The following SNX25 variants were observed in gnomAD, a reference collection of about 807,000 sequenced individuals.
SNX25 encodes sorting nexin-25.
SNX25 carries 62 observed loss-of-function variants against 113.7 expected under a neutral mutation model. The observed-to-expected ratio is 0.55, with a 90% confidence interval of 0.44 to 0.67. The LOEUF (loss-of-function observed/expected upper bound fraction) is 0.67. SNX25 is among the 30% of genes least tolerant of loss of function. The pLI is 0.00. For synonymous variants in SNX25, 421 were observed against 436.2 expected (o/e 0.97, Z 0.43); for missense variants, 1,014 against 1,161.0 (o/e 0.87, Z 1.84).
At chr4:185,319,102 T>A (rs1173831714) in intron 7 of SNX25, among the ~76,000 whole-genome samples, 31 of 144,842 alleles carry the variant, frequency 2.1e-4, no homozygotes, top group African/African-American at 7.2e-4. Context: ...TTTTTTTTAT[T>A]TTTTTTTTTT....
chr4:185,221,959 C>T (rs1739937441), intron 1 of SNX25, among the ~76,000 whole-genome samples: 1 of 151,910 alleles, frequency 6.6e-6, no homozygotes, highest in Admixed American at 6.6e-5. Context: ...TATACCCCTC[C>T]TTCACGGTAG....
At chr4:185,366,768 AAG>A (rs2095389365), downstream of SNX25, 1 of 152,760 alleles carries the variant, frequency 6.5e-6, no homozygotes, top group East Asian at 1.9e-4. Flanking sequence ...TCACAAAACT[AAG>A]AGACAAATTT....
chr4:185,318,244 T>G (rs1417582654), intron 7 of SNX25, among the ~76,000 whole-genome samples: 3 of 152,214 alleles, frequency 2.0e-5, no homozygotes, highest in Non-Finnish European at 4.4e-5. Context: ...TTAATTGCAT[T>G]TGAATTCTAC....
chr4:185,242,938 G>A (rs973434580), intron 1 of SNX25, among the ~76,000 whole-genome samples: 4 of 152,108 alleles, frequency 2.6e-5, no homozygotes, highest in Non-Finnish European at 4.4e-5. Flanking sequence ...TGGCCCATGA[G>A]GTGTTTTTTT....
At chr4:185,249,525 C>T (rs1295672881) in intron 2 of SNX25, among the ~76,000 whole-genome samples, 1 of 152,124 alleles carries the variant, frequency 6.6e-6, no homozygotes, top group Non-Finnish European at 1.5e-5. Context: ...GATGTAGATA[C>T]AGAAGATTTT....
Position 185,362,726 on chromosome 4 carries a change from G to A in SNX25, c.2934+15G>A. On this transcript the variant is annotated intron_variant, in intron 18 of 18. Transcript: ENST00000652585. ...ATCTGTTATATGTGAGTAAATTAAA[G>A]CCCAGGGGGTTTCCTGCTTTATTTT... is the stretch of plus-strand genomic sequence containing the variant. 6.3e-7 allele frequency: 1 copy of A among 1,595,100 alleles called. No individual in the cohort carries two copies. The highest frequency in any genetic ancestry group is 8.6e-7 in the Non-Finnish European group (1 of 1,166,468).
At chr4:185,301,336 C>T (rs527385777) in intron 6 of SNX25, among the ~76,000 whole-genome samples, 7 of 152,304 alleles carry the variant, frequency 4.6e-5, no homozygotes, top group African/African-American at 1.2e-4. Context: ...CCCCTTCCCC[C>T]GTACCTTGCC....
intron 4 of SNX25, 55 bp downstream of exon 4, chr4:185,264,665 A>G: frequency 6.5e-7 from 1 of 1,546,160 alleles, no homozygotes; most frequent in Non-Finnish European, 8.9e-7. Flanking sequence ...CTAATGTGCT[A>G]CATGCAGACC....
chr4:185,337,694 A>G (rs2095238845), intron 10 of SNX25, among the ~76,000 whole-genome samples: 2 of 152,146 alleles, frequency 1.3e-5, no homozygotes, highest in African/African-American at 4.8e-5. Context: ...CAACATCTAT[A>G]CCATTTTACA....
exon 12 of SNX25, chr4:185,370,138 G>C (rs2095410150): frequency 6.2e-6 from 1 of 160,492 alleles, no homozygotes; most frequent in African/African-American, 2.4e-5. Flanking sequence ...ACTTTGAGAT[G>C]TGAAACGCAT....
intron 10 of SNX25, among the ~76,000 whole-genome samples, chr4:185,336,751 T>C (rs1276529640): frequency 6.6e-6 from 1 of 152,198 alleles, no homozygotes; most frequent in Non-Finnish European, 1.5e-5. Context: ...TTTTCCATAG[T>C]GGTTGTACTA....
chr4:185,241,315 A>G (rs1232848149), intron 1 of SNX25, among the ~76,000 whole-genome samples: 3 of 152,120 alleles, frequency 2.0e-5, no homozygotes, highest in East Asian at 1.9e-4. Context: ...GTCTCCACCA[A>G]AAAAATATGA....
chr4:185,359,341 CAA>C (rs889181456), intron 16 of SNX25, among the ~76,000 whole-genome samples: 2 of 141,054 alleles, frequency 1.4e-5, no homozygotes, highest in Non-Finnish European at 3.1e-5. Context: ...GACCCTTTCT[CAA>C]AAAAAAAAAA....
chr4:185,324,424 T>C (rs1404452170), intron 9 of SNX25, among the ~76,000 whole-genome samples: 1 of 152,150 alleles, frequency 6.6e-6, no homozygotes, highest in African/African-American at 2.4e-5. Context: ...AGGAGCACTC[T>C]CTCTTACAGA....
At chr4:185,213,000 T>A (rs1215710552) in intron 1 of SNX25, among the ~76,000 whole-genome samples, 2 of 152,192 alleles carry the variant, frequency 1.3e-5, no homozygotes, top group African/African-American at 4.8e-5. Context: ...AGGAAAAAAA[T>A]GCATACACTG....
chr4:185,306,026 A>G (rs150930563), intron 6 of SNX25, among the ~76,000 whole-genome samples: 52 of 152,322 alleles, frequency 3.4e-4, no homozygotes, highest in African/African-American at 1.2e-3. Flanking sequence ...CTAACAATGC[A>G]CAGTGTTACT....
chr4:185,268,016 G>T (rs1207724820), intron 5 of SNX25, among the ~76,000 whole-genome samples: 2 of 152,184 alleles, frequency 1.3e-5, no homozygotes, highest in African/African-American at 4.8e-5. Flanking sequence ...ATGAGGAGGG[G>T]TTTGTCTTAC....
At chr4:185,282,176 A>G (rs985361010) in intron 5 of SNX25, among the ~76,000 whole-genome samples, 1 of 152,082 alleles carries the variant, frequency 6.6e-6, no homozygotes, top group Non-Finnish European at 1.5e-5. Context: ...TGACTCTGCC[A>G]TGAAATTACA....
chr4:185,282,462 C>G (rs1750743164), intron 5 of SNX25, among the ~76,000 whole-genome samples: 1 of 152,202 alleles, frequency 6.6e-6, no homozygotes, highest in African/African-American at 2.4e-5. Flanking sequence ...AGCCACCCTG[C>G]CTGGCCTCAA....
Sources: gnomAD v4.1 joint callset for allele counts (sites outside exome capture counted in the v4.1 genomes callset) on GRCh38, gnomAD v4.1.1 for gene constraint, MANE v1.5 for transcripts, NCBI Gene and HGNC (gene_info 2026-07-23, HGNC 2026-07-21) for gene names.